ZNF280D: variants seen among roughly 807,000 people sequenced by gnomAD.
ZNF280D encodes the protein suppressor of hairy wing homolog 4.
Under a neutral mutation model 94.7 loss-of-function variants are expected in ZNF280D, and 39 were observed. The ratio of observed to expected loss-of-function variants is 0.41; its 90% CI spans 0.32 to 0.54. The LOEUF (loss-of-function observed/expected upper bound fraction) is 0.54. Among genes scored for constraint, ZNF280D ranks in the 20% least tolerant of loss-of-function variants. The pLI is 0.22. For missense variants in ZNF280D, 1,090 were observed against 1,149.3 expected, an observed-to-expected ratio of 0.95 and a Z score of 0.75; for synonymous variants, 398 against 377.6, an observed-to-expected ratio of 1.05 and a Z score of -0.63.
chr15:56,646,555 C>A (rs555479723), intron 19 of ZNF280D, among the ~76,000 whole-genome samples: 1 of 152,278 alleles, frequency 6.6e-6, no homozygotes. Flanking sequence ...ATCTACTCTA[C>A]CATTTCTGAT....
chr15:56,730,337 T>C (rs2058825771), intron 1 of ZNF280D: 1 of 152,214 alleles, frequency 6.6e-6, no homozygotes, highest in African/African-American at 2.4e-5. Flanking sequence ...GAATATGTCG[T>C]AAGTATTCCT....
chr15:56,685,149 G>A (rs1331732670), intron 9 of ZNF280D, among the ~76,000 whole-genome samples: 1 of 152,078 alleles, frequency 6.6e-6, no homozygotes, highest in Admixed American at 6.5e-5. Context: ...TTACAGAATG[G>A]ACTACAGTCA....
intron 12 of ZNF280D, 108 bp downstream of exon 12, chr15:56,677,466 G>A (rs962923648): frequency 8.5e-6 from 6 of 702,138 alleles, no homozygotes; most frequent in African/African-American, 1.8e-5. Flanking sequence ...CATAAGTTAT[G>A]CCAAGTTATG....
chr15:56,674,679 A>G (rs2055094934), intron 13 of ZNF280D, among the ~76,000 whole-genome samples: 1 of 152,070 alleles, frequency 6.6e-6, no homozygotes, highest in South Asian at 2.1e-4. Context: ...GAGAGGATTA[A>G]ACAAGAAAAT....
At chr15:56,676,841 T>A in intron 12 of ZNF280D, 25 bp from the exon 13 acceptor site, 2 of 1,545,750 alleles carry the variant, frequency 1.3e-6, no homozygotes, top group Non-Finnish European at 1.8e-6. Context: ...AAGGCTTAGT[T>A]TAACTTGAAA....
chr15:56,724,554 C>G (rs1445707283), intron 1 of ZNF280D, among the ~76,000 whole-genome samples: 1 of 152,150 alleles, frequency 6.6e-6, no homozygotes, highest in African/African-American at 2.4e-5. Flanking sequence ...ACCAAGGCAT[C>G]GTATCTTATA....
intron 19 of ZNF280D, chr15:56,645,198 T>G (rs558753836): frequency 1.3e-5 from 2 of 152,152 alleles, no homozygotes; most frequent in Non-Finnish European, 2.9e-5. Context: ...TTCAATTACT[T>G]TGGTAGAAGA....
chr15:56,689,735 T>C (rs771138707), intron 7 of ZNF280D, among the ~76,000 whole-genome samples: 5 of 151,534 alleles, frequency 3.3e-5, no homozygotes, highest in Non-Finnish European at 5.9e-5. Context: ...TAAAGAAATA[T>C]ATAAATAGCT....
intron 7 of ZNF280D, among the ~76,000 whole-genome samples, chr15:56,692,343 T>C (rs1360804371): frequency 2.0e-5 from 3 of 151,952 alleles, no homozygotes; most frequent in African/African-American, 4.8e-5. Context: ...TCCGCACTGA[T>C]TTGCTAGTAA....
intron 1 of ZNF280D, among the ~76,000 whole-genome samples, chr15:56,715,394 G>A (rs1294555934): frequency 6.6e-6 from 1 of 152,114 alleles, no homozygotes; most frequent in Non-Finnish European, 1.5e-5. Flanking sequence ...ACTCACTAGA[G>A]TTTGGTGTGT....
chr15:56,669,955 ATATATAT>A (rs1430807483), intron 13 of ZNF280D, among the ~76,000 whole-genome samples: 161 of 3,676 alleles, frequency 0.044, 47 homozygotes, highest in African/African-American at 0.14. Context: ...TATATTATAT[ATATATAT>A]TATATATATA....
intron 1 of ZNF280D, among the ~76,000 whole-genome samples, chr15:56,719,366 A>AT (rs1358223368): frequency 6.6e-6 from 1 of 151,338 alleles, no homozygotes; most frequent in Admixed American, 6.6e-5. Flanking sequence ...CCAAAAAAAA[A>AT]GCCTGGCACC....
In ZNF280D at chr15:56,632,060, C is replaced by T. The variant is rs766769562; in HGVS notation, c.2378G>A (p.Gly793Asp). 1.2e-6 allele frequency: 2 copies of T among 1,606,890 alleles called. No homozygotes were observed. Among genetic ancestry groups the T allele is most frequent in the Non-Finnish European group, 1.7e-6 (2 of 1,176,980 alleles). ...KNGCNANSFE[G>D]SSTTKSEESI... ...TTCTTCACTTTTTGTTGTTGATGAG[C>T]CTTCAAATGAATTTGCATTACATCC... The change falls in exon 22 of 22, where the codon GGC becomes GAC. Residue 793 changes from glycine (G) to aspartate (D), a missense_variant. Around this residue, in one of 3 missense-constraint regions of ZNF280D, gnomAD observed 577 missense variants for 568.8 expected, o/e 1.01. Coordinates refer to ENST00000267807, the MANE Select transcript of ZNF280D (RefSeq NM_017661.4).
At chr15:56,698,515 G>A (rs573363896) in intron 6 of ZNF280D, 2 of 152,242 alleles carry the variant, frequency 1.3e-5, no homozygotes, top group East Asian at 1.9e-4. Flanking sequence ...TTGACTAAGC[G>A]TGTGTGGCAG....
At chr15:56,647,165 C>G (rs1315433901) in intron 19 of ZNF280D, among the ~76,000 whole-genome samples, 2 of 152,130 alleles carry the variant, frequency 1.3e-5, no homozygotes, top group East Asian at 3.9e-4. Context: ...TGGTAGAAGA[C>G]AAGCTGAGAG....
chr15:56,693,271 C>G, intron 6 of ZNF280D, 56 bp from the exon 7 acceptor site: 25 of 519,216 alleles, frequency 4.8e-5, no homozygotes, highest in Non-Finnish European at 6.9e-5. Context: ...ATAATTATTT[C>G]AATATAATTA....
At chr15:56,690,417 G>A (rs973671625) in intron 7 of ZNF280D, among the ~76,000 whole-genome samples, 1 of 152,038 alleles carries the variant, frequency 6.6e-6, no homozygotes, top group African/African-American at 2.4e-5. Context: ...CATAATGGAA[G>A]TAGTGAGTAT....
chr15:56,701,634 G>C (rs188631739), intron 4 of ZNF280D, among the ~76,000 whole-genome samples: 81 of 151,994 alleles, frequency 5.3e-4, no homozygotes, highest in African/African-American at 1.9e-3. Context: ...ATGATGACAG[G>C]GCTGTTACAT....
intron 6 of ZNF280D, chr15:56,698,782 AGAC>A (rs2056894705): frequency 6.6e-6 from 1 of 152,266 alleles, no homozygotes. Flanking sequence ...CTTATTGGGA[AGAC>A]CTACGTGGCA....
Sources: allele counts gnomAD v4.1 joint callset (sites outside exome capture counted in the v4.1 genomes callset), GRCh38; gene constraint gnomAD v4.1.1; regional missense constraint gnomAD v4.1.1; transcripts MANE v1.5; gene names NCBI Gene and HGNC (gene_info 2026-07-23, HGNC 2026-07-21).